The following PHF20 variants were observed in gnomAD, a reference collection of about 807,000 sequenced individuals.
PHF20 encodes the protein glioma-expressed antigen 2.
A neutral mutation model predicts 113.5 loss-of-function variants in PHF20; 23 were observed. The observed-to-expected ratio is 0.20, with a 90% CI of 0.15 to 0.29. The LOEUF is 0.29. Among genes scored for constraint, PHF20 ranks in the 10% least tolerant of loss-of-function variants. PHF20 has a pLI of 1.00. For missense variants in PHF20, 943 were observed against 1,219.6 expected (o/e 0.77, Z 3.38); for synonymous variants, 434 against 457.3 (o/e 0.95, Z 0.65).
At chr20:35,924,659 C>G (rs1188292902) in intron 13 of PHF20, among the ~76,000 whole-genome samples, 1 of 151,946 alleles carries the variant, frequency 6.6e-6, no homozygotes, top group Admixed American at 6.6e-5. Flanking sequence ...GTGGCATGAT[C>G]TTGGTTCACT....
intron 2 of PHF20, among the ~76,000 whole-genome samples, chr20:35,818,005 C>G (rs1337820908): frequency 1.3e-5 from 2 of 151,694 alleles, no homozygotes; most frequent in African/African-American, 4.8e-5. Context: ...AATTAAATTA[C>G]AGGCATGGTG....
At chr20:35,819,614 T>G (rs1167218225) in intron 2 of PHF20, among the ~76,000 whole-genome samples, 1 of 152,032 alleles carries the variant, frequency 6.6e-6, no homozygotes, top group Non-Finnish European at 1.5e-5. Context: ...CTCATCTGAG[T>G]TTCTGGTTCA....
chr20:35,941,509 G>A (rs894823985), intron 17 of PHF20, among the ~76,000 whole-genome samples: 3 of 152,184 alleles, frequency 2.0e-5, no homozygotes, highest in Non-Finnish European at 4.4e-5. Flanking sequence ...ATTTGCCTGA[G>A]TCATTTGTAT....
At chr20:35,877,106 CAAAA>C (rs760494622) in intron 9 of PHF20, among the ~76,000 whole-genome samples, 1 of 32,372 alleles carries the variant, frequency 3.1e-5, no homozygotes, top group Non-Finnish European at 6.4e-5. Context: ...GACTCTGTCT[CAAAA>C]AAAAAAAAAA....
chr20:35,929,241 G>C (rs920629622), intron 14 of PHF20, among the ~76,000 whole-genome samples: 1 of 152,242 alleles, frequency 6.6e-6, no homozygotes, highest in African/African-American at 2.4e-5. Flanking sequence ...TGCAGAGCCA[G>C]ATCTCTTGAT....
intron 2 of PHF20, among the ~76,000 whole-genome samples, chr20:35,808,476 T>C (rs1324308187): frequency 6.6e-6 from 1 of 152,172 alleles, no homozygotes; most frequent in African/African-American, 2.4e-5. Flanking sequence ...CTGGAAGTTT[T>C]TTTTTTTTCA....
chr20:35,892,884 C>A (rs2054902479), intron 9 of PHF20, among the ~76,000 whole-genome samples: 1 of 152,192 alleles, frequency 6.6e-6, no homozygotes, highest in Non-Finnish European at 1.5e-5. Context: ...TCCTGAGTTT[C>A]CATGGTTAAA....
chr20:35,860,609 G>C (rs1201213414), intron 5 of PHF20, among the ~76,000 whole-genome samples: 2 of 152,062 alleles, frequency 1.3e-5, no homozygotes, highest in African/African-American at 4.8e-5. Context: ...CCTTTTGCTG[G>C]TTTTCCTTTT....
At chr20:35,891,423 G>A (rs1350534980) in intron 9 of PHF20, among the ~76,000 whole-genome samples, 2 of 149,292 alleles carry the variant, frequency 1.3e-5, no homozygotes, top group African/African-American at 4.9e-5. Context: ...CAACATTTTA[G>A]AAAAAGGAAT....
At chr20:35,890,228 C>T (rs1284427444) in intron 9 of PHF20, among the ~76,000 whole-genome samples, 1 of 146,300 alleles carries the variant, frequency 6.8e-6, no homozygotes, top group East Asian at 2.1e-4. Context: ...GGGGGTCTCA[C>T]TATGTTGCTC....
At position 35,869,493 on chromosome 20, in the gene PHF20, G is replaced by A. The variant is rs1249536291; in HGVS notation, c.864G>A (p.Arg288=). 4 of 1,612,448 alleles carry A rather than the reference G, an allele frequency of 2.5e-6. No individual in the cohort carries two copies. The highest frequency in any genetic ancestry group is 1.7e-6 in the Non-Finnish European group (2 of 1,179,178). The change falls in exon 7 of 18, where the codon AGG becomes AGA. Residue 288 remains arginine, a synonymous_variant. Coordinates refer to ENST00000374012, the MANE Select transcript of PHF20 (RefSeq NM_016436.5). The part of the protein sequence containing the change: ...LQPITLELRR[R]KISKGCEVPL... The stretch of plus-strand genomic sequence containing the variant: ...CAATAACATTGGAACTGAGAAGAAG[G>A]AAAATATCAAAAGGATGTGAAGTCC...
chr20:35,915,050 T>TTATA (rs535682761), intron 12 of PHF20, among the ~76,000 whole-genome samples: 9 of 145,700 alleles, frequency 6.2e-5, no homozygotes, highest in African/African-American at 1.8e-4. Context: ...GTAAAATGTT[T>TTATA]TATATATATA....
chr20:35,938,315 C>T (rs1172292926), intron 15 of PHF20, among the ~76,000 whole-genome samples: 4 of 152,108 alleles, frequency 2.6e-5, no homozygotes. Context: ...AGGAGGGGTC[C>T]ATTCAGGTTG....
intron 4 of PHF20, among the ~76,000 whole-genome samples, chr20:35,850,313 T>G (rs1255237930): frequency 2.5e-5 from 3 of 121,214 alleles, no homozygotes; most frequent in Non-Finnish European, 5.1e-5. Flanking sequence ...TTTTTTTTTT[T>G]TTTTTTTTTT....
At chr20:35,925,717 G>A (rs2055616435) in intron 13 of PHF20, among the ~76,000 whole-genome samples, 1 of 150,310 alleles carries the variant, frequency 6.7e-6, no homozygotes, top group Admixed American at 6.6e-5. Flanking sequence ...TTTTTAGAGA[G>A]GCAATACATG....
chr20:35,904,788 T>TCCTTCCTTCCTC (rs1268368738), intron 10 of PHF20, among the ~76,000 whole-genome samples: 1 of 149,180 alleles, frequency 6.7e-6, no homozygotes. Flanking sequence ...CTTCCTTCCT[T>TCCTTCCTTCCTC]CCTTCCTTCC....
Position 35,931,189 on chromosome 20 carries a change from A to G in PHF20, c.2105-60A>G, listed in dbSNP as rs971541940. On this transcript the variant is annotated intron_variant, in intron 14 of 17. Coordinates refer to ENST00000374012, the MANE Select transcript of PHF20 (RefSeq NM_016436.5). ...TTGGTATGATAATTGTGTGAGAGTG[A>G]TGAAATGGCCTGGGTTTCCTTCAGG... 7 of 1,184,232 alleles carry G rather than the reference A, an allele frequency of 5.9e-6. No homozygotes were observed. The Admixed American group carries it at 1.1e-4, about 19-fold the overall frequency. 73.4% of individuals were successfully genotyped at this position (1,184,232 alleles called of 1,614,324 possible). A position where few individuals can be genotyped will look rare whatever the true frequency, so the allele number is the denominator to read the frequency against.
At chr20:35,840,042 CAAGA>C (rs1489179987) in intron 2 of PHF20, among the ~76,000 whole-genome samples, 1 of 152,238 alleles carries the variant, frequency 6.6e-6, no homozygotes, top group East Asian at 1.9e-4. Flanking sequence ...TATACAGACA[CAAGA>C]AAGCAGGCCT....
At position 35,937,337 on chromosome 20, in the gene PHF20, G is replaced by A. The variant is rs188991869; in HGVS notation, c.2301-1360G>A. On this transcript the variant is annotated intron_variant, in intron 15 of 17. Transcript: ENST00000374012. Reference sequence around the variant, plus strand: ...TACAAAATTAGCTGGGCATGGTGACGCATGCCTGTAATCCCAGCCACTTGG... The same window carrying A: ...TACAAAATTAGCTGGGCATGGTGACACATGCCTGTAATCCCAGCCACTTGG... Among the ~76,000 whole-genome samples, 8 of 152,048 alleles carry A rather than the reference G, an allele frequency of 5.3e-5. No individual in the cohort carries two copies. In the East Asian group the frequency reaches 1.6e-3, roughly 30 times the overall value.
Sources: gnomAD v4.1 joint callset for allele counts (sites outside exome capture counted in the v4.1 genomes callset) on GRCh38, gnomAD v4.1.1 for gene constraint, MANE v1.5 for transcripts, NCBI Gene and HGNC (gene_info 2026-07-23, HGNC 2026-07-21) for gene names.